BLTP1: variants seen among roughly 807,000 people sequenced by gnomAD.
The protein encoded by BLTP1 is bridge-like lipid transfer protein family member 1.
chr4:122,231,731 A>C, the BLTP1 span: 23 of 976,830 alleles, frequency 2.4e-5, no homozygotes, highest in Non-Finnish European at 2.8e-5. Context: ...TATGGGGTGC[A>C]TGTGTATATT....
chr4:122,224,901 C>A, the BLTP1 span: 2 of 1,370,714 alleles, frequency 1.5e-6, no homozygotes, highest in African/African-American at 2.9e-5. Context: ...TGTGTGTAGA[C>A]CTATATAATA....
chr4:122,318,897 A>G, the BLTP1 span, among the ~76,000 whole-genome samples: 1 of 152,172 alleles, frequency 6.6e-6, no homozygotes, highest in Admixed American at 6.5e-5. Flanking sequence ...AAAGTTATTA[A>G]TCCAGTCCTT....
chr4:122,275,796 A>G, the BLTP1 span: 9 of 307,130 alleles, frequency 2.9e-5, no homozygotes, highest in Non-Finnish European at 2.4e-5. Flanking sequence ...TTCAATTGCA[A>G]TGAAGAGGAA....
the BLTP1 span, chr4:122,350,028 G>A: frequency 3.6e-5 from 58 of 1,613,654 alleles, no homozygotes; most frequent in East Asian, 8.9e-5. Context: ...CTTACCTTCC[G>A]CCAAAGACAA....
At chr4:122,300,013 T>A in the BLTP1 span, 2 of 859,056 alleles carry the variant, frequency 2.3e-6, no homozygotes, top group Non-Finnish European at 2.8e-6. Context: ...AAATATATAT[T>A]TTTTTATTTT....
At chr4:122,255,331 G>A in the BLTP1 span, 1 of 1,292,674 alleles carries the variant, frequency 7.7e-7, no homozygotes, top group Non-Finnish European at 1.1e-6. Context: ...CTATTCTGTT[G>A]GTGGACCACT....
At chr4:122,339,153 A>C in the BLTP1 span, 2 of 1,552,070 alleles carry the variant, frequency 1.3e-6, no homozygotes, top group Non-Finnish European at 1.8e-6. Context: ...ATTTCTATTT[A>C]AAACTTTTCT....
the BLTP1 span, among the ~76,000 whole-genome samples, chr4:122,295,603 A>G: frequency 4.6e-5 from 7 of 152,324 alleles, no homozygotes; most frequent in African/African-American, 1.2e-4. Flanking sequence ...TAAGGCCACT[A>G]TCATCCTCAT....
At chr4:122,209,838 G>A in the BLTP1 span, 1 of 1,613,380 alleles carries the variant, frequency 6.2e-7, no homozygotes, top group Non-Finnish European at 8.5e-7. Flanking sequence ...GTTGAATGCT[G>A]GACTGTCCCA....
chr4:122,213,866 A>G, the BLTP1 span, among the ~76,000 whole-genome samples: 2 of 152,162 alleles, frequency 1.3e-5, no homozygotes, highest in Non-Finnish European at 2.9e-5. Flanking sequence ...TTGGATAACA[A>G]TGCTACTTAT....
At chr4:122,272,172 C>G in the BLTP1 span, 1 of 1,612,742 alleles carries the variant, frequency 6.2e-7, no homozygotes, top group Non-Finnish European at 8.5e-7. Context: ...GTTCGGAGCC[C>G]TACAGAGCCA....
the BLTP1 span, chr4:122,190,427 A>G: frequency 8.2e-6 from 8 of 978,472 alleles, no homozygotes; most frequent in Non-Finnish European, 9.7e-6. Context: ...TTTCATAGCT[A>G]CAATTCTATT....
chr4:122,321,550 C>T, the BLTP1 span, among the ~76,000 whole-genome samples: 4 of 152,156 alleles, frequency 2.6e-5, no homozygotes, highest in East Asian at 5.8e-4. Flanking sequence ...TATATATACA[C>T]ACACTCACAC....
chr4:122,165,680 G>T, the BLTP1 span, among the ~76,000 whole-genome samples: 1 of 128,598 alleles, frequency 7.8e-6, no homozygotes, highest in Non-Finnish European at 1.7e-5. Flanking sequence ...CTAGTTTACA[G>T]TCTCACCAAC....
At chr4:122,246,688 C>T in the BLTP1 span, 14 of 1,611,254 alleles carry the variant, frequency 8.7e-6, no homozygotes, top group South Asian at 9.9e-5. Context: ...GTTAGGTAAA[C>T]TTATGTTTGT....
chr4:122,166,335 T>A, the BLTP1 span, among the ~76,000 whole-genome samples: 4 of 152,228 alleles, frequency 2.6e-5, no homozygotes, highest in Non-Finnish European at 5.9e-5. Context: ...TAGGGAATCC[T>A]TTCCCCATTT....
the BLTP1 span, among the ~76,000 whole-genome samples, chr4:122,266,417 GT>G: frequency 9.3e-4 from 141 of 150,864 alleles, 2 homozygotes; most frequent in African/African-American, 3.3e-3. Context: ...TGTAATATAT[GT>G]TTTTTTTTGT....
the BLTP1 span, chr4:122,179,717 C>T: frequency 2.6e-6 from 1 of 378,280 alleles, no homozygotes; most frequent in Non-Finnish European, 3.6e-6. Flanking sequence ...TGGGCGTGCA[C>T]ATATAGGTAC....
At chr4:122,357,769 A>G in the BLTP1 span, among the ~76,000 whole-genome samples, 1 of 152,206 alleles carries the variant, frequency 6.6e-6, no homozygotes, top group Non-Finnish European at 1.5e-5. Context: ...GTGCTTCCTA[A>G]TAAATAACTT....
Sources: allele counts gnomAD v4.1 joint callset (sites outside exome capture counted in the v4.1 genomes callset), GRCh38; gene constraint gnomAD v4.1.1; transcripts MANE v1.5; gene names NCBI Gene and HGNC (gene_info 2026-07-23, HGNC 2026-07-21).